Variants in AKIP1 observed in about 807,000 individuals in gnomAD.
The protein encoded by AKIP1 is A-kinase-interacting protein 1.
Under a neutral mutation model 22.3 loss-of-function variants are expected in AKIP1, and 18 were observed. The observed-to-expected ratio is 0.81, with a 90% CI of 0.56 to 1.19. The LOEUF is 1.19. AKIP1 is among the 50% of genes most tolerant of loss of function. The pLI, the probability that AKIP1 is intolerant of heterozygous loss-of-function variation, is 0.00. For missense variants in AKIP1, 287 were observed against 264.6 expected (o/e 1.08, Z -0.59); for synonymous variants, 120 against 102.7 (o/e 1.17, Z -1.02).
intron 5 of AKIP1, among the ~76,000 whole-genome samples, chr11:8,918,325 A>G (rs374237668): frequency 1.1e-3 from 166 of 152,386 alleles, no homozygotes; most frequent in African/African-American, 3.7e-3. Context: ...CCAATTTCGC[A>G]GTAACTGGAC....
chr11:8,917,713 C>T (rs1004296153), intron 5 of AKIP1: 1 of 402,772 alleles, frequency 2.5e-6, no homozygotes. Context: ...GGGCACGATC[C>T]TCCTGCTAAC....
Position 8,918,277 on chromosome 11 carries a change from G to A in AKIP1, c.489+910G>A, listed in dbSNP as rs962802950. 4.6e-5 allele frequency among the ~76,000 whole-genome samples: 7 copies of A among 152,166 alleles called. No individual in the cohort carries two copies. The East Asian group carries it at 1.2e-3, about 25-fold the overall frequency. The stretch of plus-strand genomic sequence containing the variant: ...CAACCAATAAATAGTTAATGACATT[G>A]TCATACACATTTACGTCAGTTAAAG... On this transcript the variant is annotated intron_variant, in intron 5 of 5. Coordinates refer to ENST00000309377, the MANE Select transcript of AKIP1 (RefSeq NM_020642.4).
rs11550424 is a variant in AKIP1 at position 8,919,917 on chromosome 11, G to A, written c.*437G>A. 65 of 166,880 alleles carry A rather than the reference G, an allele frequency of 3.9e-4. 2 individuals carry two copies. Among genetic ancestry groups the A allele is most frequent in the Non-Finnish European group, 7.9e-4 (61 of 77,026 alleles). The allele number at this position is 166,880 out of a possible 1,614,324, so 10.3% of individuals were successfully genotyped here. A position where few individuals can be genotyped will look rare whatever the true frequency, so the allele number is the denominator to read the frequency against. ...CTCCCAAAGTGTTGGGATTACAGGC[G>A]TGAGCCACCGCGCCCGGCCTCAGTG... is the stretch of plus-strand genomic sequence containing the variant. On this transcript the variant is annotated 3_prime_UTR_variant, in exon 6 of 6. Coordinates refer to ENST00000309377, the MANE Select transcript of AKIP1 (RefSeq NM_020642.4).
At chr11:8,918,271 G>C (rs1244020669) in intron 5 of AKIP1, among the ~76,000 whole-genome samples, 2 of 152,166 alleles carry the variant, frequency 1.3e-5, no homozygotes, top group Non-Finnish European at 2.9e-5. Context: ...AATAGTTAAT[G>C]ACATTGTCAT....
At chr11:8,917,395 G>C (rs768780382) in intron 5 of AKIP1, 28 bp downstream of exon 5, 1 of 1,561,166 alleles carries the variant, frequency 6.4e-7, no homozygotes, top group East Asian at 2.2e-5. Flanking sequence ...TACGCACTGG[G>C]TTTCACCACC....
At chr11:8,918,150 C>G (rs1665470034) in intron 5 of AKIP1, 1 of 152,208 alleles carries the variant, frequency 6.6e-6, no homozygotes, top group Non-Finnish European at 1.5e-5. Context: ...CACATGCCAA[C>G]CTTACCTCTA....
intron 2 of AKIP1, 59 bp from the exon 3 acceptor site, chr11:8,912,382 TTTCCAAAATGGC>T: frequency 7.8e-7 from 1 of 1,287,852 alleles, no homozygotes; most frequent in Non-Finnish European, 1.1e-6. Flanking sequence ...AAGGAGACTA[TTTCCAAAATGGC>T]TTCATTCTCC....
At chr11:8,917,483 T>G in intron 5 of AKIP1, 116 bp downstream of exon 5, 1 of 834,696 alleles carries the variant, frequency 1.2e-6, no homozygotes, top group South Asian at 1.4e-5. Flanking sequence ...TAAGTTGAGA[T>G]GTTCTTACAC....
chr11:8,912,604 T>G (rs577782364), intron 3 of AKIP1, 71 bp downstream of exon 3: 2 of 1,399,548 alleles, frequency 1.4e-6, no homozygotes, highest in Non-Finnish European at 2.0e-6. Flanking sequence ...TTCTGGAATT[T>G]ACGGAGAATC....
At chr11:8,917,473 T>A in intron 5 of AKIP1, 106 bp downstream of exon 5, 1 of 884,122 alleles carries the variant, frequency 1.1e-6, no homozygotes, top group Non-Finnish European at 1.9e-6. Flanking sequence ...ATAGTATTTT[T>A]AAGTTGAGAT....
intron 5 of AKIP1, among the ~76,000 whole-genome samples, chr11:8,918,609 A>G (rs2064524258): frequency 6.6e-6 from 1 of 152,038 alleles, no homozygotes; most frequent in Non-Finnish European, 1.5e-5. Context: ...CTGGTTTGTG[A>G]CTTTGTCCTT....
At position 8,919,422 on chromosome 11, in the gene AKIP1, A is replaced by C; in HGVS notation, c.575A>C (p.Lys192Thr). The change falls in exon 6 of 6, where the codon AAG (lysine) becomes ACG (threonine). Residue 192 changes from lysine (K) to threonine (T), a missense_variant. Lys to Thr is a moderately conservative substitution (Grantham distance 78). Coordinates refer to ENST00000309377, the MANE Select transcript of AKIP1 (RefSeq NM_020642.4). ...VTVGSNDLTK[K>T]THVVAVDSGQ... ...GTGGGCTCAAATGACTTAACCAAGA[A>C]GACTCATGTGGTAGCAGTTGATTCT... is the stretch of plus-strand genomic sequence containing the variant. 8 of 1,614,240 alleles carry C rather than the reference A, an allele frequency of 5.0e-6. No individual in the cohort carries two copies. The highest frequency in any genetic ancestry group is 6.8e-6 in the Non-Finnish European group (8 of 1,180,036).
intron 3 of AKIP1, among the ~76,000 whole-genome samples, chr11:8,914,323 C>G (rs1028080168): frequency 2.6e-5 from 4 of 152,328 alleles, no homozygotes; most frequent in Non-Finnish European, 4.4e-5. Context: ...TCCACTCCCC[C>G]ACGCGCAGGA....
At chr11:8,917,926 A>C (rs2064511166) in intron 5 of AKIP1, 2 of 155,464 alleles carry the variant, frequency 1.3e-5, no homozygotes, top group African/African-American at 4.8e-5. Context: ...TAGAATTCTG[A>C]GGAAAGGAAC....
At chr11:8,913,014 A>T (rs967040726) in intron 3 of AKIP1, among the ~76,000 whole-genome samples, 3 of 148,570 alleles carry the variant, frequency 2.0e-5, no homozygotes, top group African/African-American at 7.5e-5. Flanking sequence ...AGCTGGGACT[A>T]CAGGCGCCCA....
chr11:8,913,412 G>C (rs116877045), intron 3 of AKIP1, among the ~76,000 whole-genome samples: 3,138 of 151,406 alleles, frequency 0.021, 44 homozygotes, highest in Middle Eastern at 0.035. Flanking sequence ...GCTCTGGAAC[G>C]CCTGACCTCG....
At chr11:8,913,323 GACT>G (rs1366394212) in intron 3 of AKIP1, among the ~76,000 whole-genome samples, 2 of 152,068 alleles carry the variant, frequency 1.3e-5, no homozygotes, top group East Asian at 3.9e-4. Context: ...GAGTAGCTGG[GACT>G]ACAGGCACAT....
Position 8,911,229 on chromosome 11 carries a change from G to C in AKIP1, c.-7+6G>C, listed in dbSNP as rs1257914853. The C allele has an allele frequency of 5.3e-6, 3 of 562,854 alleles. No homozygotes were observed. In the East Asian group the frequency reaches 8.8e-5, roughly 17 times the overall value. 34.9% of individuals were successfully genotyped at this position (562,854 alleles called of 1,614,324 possible). A position where few individuals can be genotyped will look rare whatever the true frequency, so the allele number is the denominator to read the frequency against. On this transcript the variant is annotated splice_donor_region_variant and intron_variant, in intron 1 of 5. Transcript: ENST00000309377. The stretch of plus-strand genomic sequence containing the variant: ...CGCCTTGACGAGTGAGCCGGGTGAG[G>C]GGGCTCCCTAAGTAGCGGAAGGGGT...
At chr11:8,911,404 AG>A (rs1278691942) in intron 1 of AKIP1, 39 bp from the exon 2 acceptor site, 1 of 1,516,086 alleles carries the variant, frequency 6.6e-7, no homozygotes, top group Admixed American at 2.0e-5. Context: ...GCCGCGGCCC[AG>A]CTGACCCGCC....
Sources: allele counts gnomAD v4.1 joint callset (sites outside exome capture counted in the v4.1 genomes callset), GRCh38; gene constraint gnomAD v4.1.1; transcripts MANE v1.5; gene names NCBI Gene and HGNC (gene_info 2026-07-23, HGNC 2026-07-21).